IRF2: variants seen among roughly 807,000 people sequenced by gnomAD.
IRF2 encodes the protein interferon regulatory factor 2.
IRF2 carries 15 observed loss-of-function variants against 40.6 expected under a neutral mutation model. That is an observed-to-expected ratio of 0.37 (90% CI 0.25 to 0.57). The LOEUF (loss-of-function observed/expected upper bound fraction) is 0.57. Ranked by LOEUF, IRF2 falls within the 20% of genes least tolerant of loss-of-function variation. IRF2 has a pLI of 0.77. For synonymous variants in IRF2, 151 were observed against 165.5 expected, an observed-to-expected ratio of 0.91 and a Z score of 0.67; for missense variants, 317 against 455.7, an observed-to-expected ratio of 0.70 and a Z score of 2.77.
chr4:184,408,855 G>A lies in IRF2; in HGVS notation c.412-580C>T, dbSNP rs759517534. Among the ~76,000 whole-genome samples the A allele has an allele frequency of 1.1e-4, 16 of 152,210 alleles. No homozygotes were observed. Among genetic ancestry groups the A allele is most frequent in the Non-Finnish European group, 1.0e-4 (7 of 68,046 alleles). On this transcript the variant is annotated intron_variant, in intron 5 of 8. Coordinates refer to ENST00000393593, the MANE Select transcript of IRF2 (RefSeq NM_002199.4). The surrounding 1 kb of genome is among the most constrained non-coding windows in gnomAD (Gnocchi z 4.9). ...TGATCACCCTGGCCTGAGTCCAGCC[G>A]GGCAACCCCACACCATGGGCTTTAC...
At chr4:184,472,946 G>A (rs938136632) in intron 1 of IRF2, among the ~76,000 whole-genome samples, 1 of 152,218 alleles carries the variant, frequency 6.6e-6, no homozygotes, top group African/African-American at 2.4e-5. Flanking sequence ...CACCCAGACC[G>A]GGGGCCAAGG....
chr4:184,418,811 C>T, intron 3 of IRF2, 103 bp from the exon 4 acceptor site: 1 of 927,880 alleles, frequency 1.1e-6, no homozygotes, highest in South Asian at 1.6e-5. Context: ...ATAAGGAAAC[C>T]TTTTCACTCC....
At chr4:184,450,456 AT>A (rs1738674829) in intron 1 of IRF2, among the ~76,000 whole-genome samples, 1 of 152,266 alleles carries the variant, frequency 6.6e-6, no homozygotes, top group Non-Finnish European at 1.5e-5. Flanking sequence ...AATGTAGTGA[AT>A]AATAGCACTG....
chr4:184,440,353 A>T (rs1470225328), intron 1 of IRF2, among the ~76,000 whole-genome samples: 5 of 152,202 alleles, frequency 3.3e-5, no homozygotes, highest in Non-Finnish European at 5.9e-5. Flanking sequence ...CACACAGCGG[A>T]GGCCTATACT....
At chr4:184,447,659 A>G (rs9685945) in intron 1 of IRF2, among the ~76,000 whole-genome samples, 48,770 of 152,182 alleles carry the variant, frequency 0.32, 8,273 homozygotes, top group South Asian at 0.4. Flanking sequence ...TAAGGGGCAA[A>G]TCAAAAGCAT....
intron 5 of IRF2, among the ~76,000 whole-genome samples, chr4:184,410,223 C>G (rs1404968040): frequency 1.3e-5 from 2 of 152,192 alleles, no homozygotes; most frequent in Admixed American, 1.3e-4. Context: ...TGTAAGCCAC[C>G]CTAGGGCACT....
chr4:184,389,462 G>A (rs572019164), intron 8 of IRF2, among the ~76,000 whole-genome samples: 14 of 152,218 alleles, frequency 9.2e-5, no homozygotes, highest in Admixed American at 5.2e-4. Context: ...AAAATGTGTC[G>A]TTCCCATGTG....
chr4:184,399,303 G>A (rs1736583895), intron 6 of IRF2, among the ~76,000 whole-genome samples: 1 of 152,196 alleles, frequency 6.6e-6, no homozygotes, highest in Admixed American at 6.5e-5. Context: ...TCTCCAGCAT[G>A]CCTGCCAATG....
intron 5 of IRF2, among the ~76,000 whole-genome samples, chr4:184,414,471 G>A (rs1251715568): frequency 6.6e-6 from 1 of 152,216 alleles, no homozygotes. Context: ...AGCCTCCTGA[G>A]TAGCTGGGAC....
chr4:184,422,479 A>G (rs1362370629), intron 2 of IRF2, among the ~76,000 whole-genome samples: 1 of 152,210 alleles, frequency 6.6e-6, no homozygotes, highest in Non-Finnish European at 1.5e-5. Flanking sequence ...CCAAAACATA[A>G]ACGTTCATAG....
intron 1 of IRF2, among the ~76,000 whole-genome samples, chr4:184,467,177 C>A (rs954276256): frequency 2.0e-5 from 3 of 152,168 alleles, no homozygotes; most frequent in Admixed American, 1.3e-4. Context: ...GTGGAGGGTC[C>A]TCCAGTCTTT....
At chr4:184,396,270 C>T (rs893885504) in intron 7 of IRF2, among the ~76,000 whole-genome samples, 22 of 152,104 alleles carry the variant, frequency 1.4e-4, no homozygotes, top group Admixed American at 1.0e-3. Flanking sequence ...GTGTTCTGAA[C>T]GGCAGAGCCC....
At chr4:184,469,376 G>A (rs577378143) in intron 1 of IRF2, among the ~76,000 whole-genome samples, 46 of 152,322 alleles carry the variant, frequency 3.0e-4, no homozygotes, top group African/African-American at 1.0e-3. Context: ...TGTTTCTGAG[G>A]AATAAAAATG....
chr4:184,398,079 G>A (rs1736530854), intron 7 of IRF2, among the ~76,000 whole-genome samples: 3 of 152,170 alleles, frequency 2.0e-5, no homozygotes. Flanking sequence ...TATGTGGAAA[G>A]GACAAGTACG....
At chr4:184,470,404 G>A (rs1207290403) in intron 1 of IRF2, among the ~76,000 whole-genome samples, 6 of 152,148 alleles carry the variant, frequency 3.9e-5, no homozygotes, top group Admixed American at 1.3e-4. Flanking sequence ...AAAGCAGGCC[G>A]GCGCAGTGGC....
At chr4:184,445,242 G>T (rs116892806) in intron 1 of IRF2, among the ~76,000 whole-genome samples, 2 of 152,360 alleles carry the variant, frequency 1.3e-5, no homozygotes, top group East Asian at 3.9e-4. Flanking sequence ...GAAGGTGAAC[G>T]TGTTTCCTGA....
chr4:184,422,246 A>G (rs546523446), intron 2 of IRF2, among the ~76,000 whole-genome samples: 1 of 152,272 alleles, frequency 6.6e-6, no homozygotes, highest in African/African-American at 2.4e-5. Flanking sequence ...AAACAGACTA[A>G]CCCACAGACA....
intron 7 of IRF2, among the ~76,000 whole-genome samples, chr4:184,395,319 A>G (rs1030378079): frequency 4.0e-5 from 6 of 148,492 alleles, no homozygotes; most frequent in Non-Finnish European, 8.9e-5. Flanking sequence ...AGGCTGAGGC[A>G]GGAGAATGGC....
intron 1 of IRF2, among the ~76,000 whole-genome samples, chr4:184,466,586 G>A (rs1739338971): frequency 6.6e-6 from 1 of 152,130 alleles, no homozygotes; most frequent in African/African-American, 2.4e-5. Context: ...GGGGGGAGAA[G>A]GCCTAAGAGA....
Sources: allele counts gnomAD v4.1 joint callset (sites outside exome capture counted in the v4.1 genomes callset), GRCh38; gene constraint gnomAD v4.1.1; non-coding constraint Gnocchi (gnomAD v3.1); transcripts MANE v1.5; gene names NCBI Gene and HGNC (gene_info 2026-07-23, HGNC 2026-07-21).